KIF26A: variants seen among roughly 807,000 people sequenced by gnomAD.
KIF26A encodes the protein kinesin-like protein KIF26A.
A neutral mutation model predicts 126.0 loss-of-function variants in KIF26A; 74 were observed. The observed-to-expected ratio is 0.59, with a 90% CI of 0.49 to 0.71. The LOEUF (loss-of-function observed/expected upper bound fraction) is 0.71. KIF26A is among the 30% of genes least tolerant of loss of function. The pLI, the probability that KIF26A is intolerant of heterozygous loss-of-function variation, is 0.00. For synonymous variants in KIF26A, 1,445 were observed against 1,232.7 expected (o/e 1.17, Z -3.61); for missense variants, 2,984 against 2,763.3 (o/e 1.08, Z -1.79).
chr14:104,171,405 A>C (rs2037955342), intron 5 of KIF26A, among the ~76,000 whole-genome samples: 2 of 152,122 alleles, frequency 1.3e-5, no homozygotes, highest in South Asian at 2.1e-4. Flanking sequence ...GCTGCTCTGC[A>C]GGACCTGAGC....
In KIF26A at chr14:104,152,001, C is replaced by G. The variant is rs1167453419; in HGVS notation, c.289-14C>G. On this transcript the variant is annotated splice_polypyrimidine_tract_variant and intron_variant, in intron 2 of 14. Coordinates refer to ENST00000423312, the MANE Select transcript of KIF26A (RefSeq NM_015656.2). This position sits in a 1 kb window ranked among gnomAD's most constrained non-coding sequence, Gnocchi z 5.9. Reference sequence around the variant, plus strand: ...CCAGGCACTGACCCTGCCTTTGTCCCTTGCTGTCCTCAGGATCCTTGCCTC... The same window carrying G: ...CCAGGCACTGACCCTGCCTTTGTCCGTTGCTGTCCTCAGGATCCTTGCCTC... The G allele has an allele frequency of 1.9e-6, 3 of 1,612,216 alleles. No homozygotes were observed. The Admixed American group carries it at 5.0e-5, about 27-fold the overall frequency.
Position 104,179,405 on chromosome 14 carries a change from C to T in KIF26A, c.5467+19C>T, listed in dbSNP as rs748114535. On this transcript the variant is annotated intron_variant, in intron 14 of 14. Coordinates refer to ENST00000423312, the MANE Select transcript of KIF26A (RefSeq NM_015656.2). ...GAGCAGTGTGAGTCCCGCCCGCCCACGGACCCAGCCCGGCCCACCGTGTGC... is the reference window on the plus strand; with the variant it reads ...GAGCAGTGTGAGTCCCGCCCGCCCATGGACCCAGCCCGGCCCACCGTGTGC... The T allele has an allele frequency of 7.7e-5, 114 of 1,484,218 alleles. No homozygotes were observed. Among genetic ancestry groups the T allele is most frequent in the Admixed American group, 1.4e-4 (6 of 43,974 alleles). The allele number at this position is 1,484,218 out of a possible 1,614,324, so 91.9% of individuals were successfully genotyped here. A position where few individuals can be genotyped will look rare whatever the true frequency, so the allele number is the denominator to read the frequency against.
At position 104,178,713 on chromosome 14, in the gene KIF26A, C is replaced by T; in HGVS notation, c.5274C>T (p.Arg1758=). 3 of 1,558,834 alleles carry T rather than the reference C, an allele frequency of 1.9e-6. No individual in the cohort carries two copies. The highest frequency in any genetic ancestry group is 2.6e-6 in the Non-Finnish European group (3 of 1,151,264). The change falls in exon 13 of 15, where the codon CGC becomes CGT. Residue 1758 remains arginine, a synonymous_variant. Transcript: ENST00000423312. ...TGTACGAGATCGATGACGTGGAGCG[C>T]CTTCAGCGGCCCCGCCCCACCCCGA... is the stretch of plus-strand genomic sequence containing the variant. ...IKVYEIDDVE[R]LQRPRPTPRE...
rs1010222257 is a variant in KIF26A at position 104,153,938 on chromosome 14, C to T, written c.735+1477C>T. ...CACACCATGAACATTTAGGCACCCT[C>T]TCCCAGCGTTATGTGCACATTGATC... On this transcript the variant is annotated intron_variant, in intron 3 of 14. Transcript: ENST00000423312. Among the ~76,000 whole-genome samples the T allele has an allele frequency of 1.8e-4, 27 of 152,324 alleles. 1 individual carries two copies. Among genetic ancestry groups the T allele is most frequent in the Middle Eastern group, 6.8e-3 (2 of 294 alleles).
intron 2 of KIF26A, among the ~76,000 whole-genome samples, chr14:104,149,211 C>T (rs2037705787): frequency 6.6e-6 from 1 of 152,200 alleles, no homozygotes; most frequent in Non-Finnish European, 1.5e-5. Context: ...GCCTTGAATT[C>T]CTGGGGCCTT....
intron 4 of KIF26A, among the ~76,000 whole-genome samples, chr14:104,159,083 C>T (rs10150792): frequency 0.5 from 75,403 of 152,144 alleles, 22,548 homozygotes; most frequent in Non-Finnish European, 0.67. Context: ...CGCCGTGTGC[C>T]GGGCTGAGGG....
Position 104,177,485 on chromosome 14 carries a change from G to A in KIF26A, c.4697G>A (p.Arg1566His), listed in dbSNP as rs755321367. The A allele has an allele frequency of 1.3e-5, 20 of 1,533,000 alleles. No homozygotes were observed. The highest frequency in any genetic ancestry group is 7.3e-5 in the East Asian group (3 of 40,818). The allele number at this position is 1,533,000 out of a possible 1,614,324, so 95.0% of individuals were successfully genotyped here. Residue 1566 changes from arginine to histidine, a missense_variant, in exon 12 of 15, where the codon CGC becomes CAC. Transcript: ENST00000423312. Reference sequence around the variant, plus strand: ...CAGGCGCTCCGGGCTGCTCACAGCCGCGTCCATGAGCTGTCAGCCAGTGGA... The same window carrying A: ...CAGGCGCTCCGGGCTGCTCACAGCCACGTCCATGAGCTGTCAGCCAGTGGA... ...TKQALRAAHS[R>H]VHELSASGAP... is the part of the protein sequence containing the mutation.
chr14:104,143,167 C>G (rs953535852), intron 2 of KIF26A, among the ~76,000 whole-genome samples: 2 of 152,244 alleles, frequency 1.3e-5, no homozygotes, highest in Non-Finnish European at 2.9e-5. Context: ...CTTGCTTATC[C>G]AGGCAGGGGC....
chr14:104,152,479 C>T lies in KIF26A; in HGVS notation c.735+18C>T, dbSNP rs376811232. On this transcript the variant is annotated intron_variant, in intron 3 of 14. Transcript: ENST00000423312. This position sits in a 1 kb window ranked among gnomAD's most constrained non-coding sequence, Gnocchi z 5.9. ...CGTGCCTGGTGAGTGTCTTGCTCAG[C>T]GGATGGGAGCTGCTGGCCTCCTTGT... The T allele has an allele frequency of 1.0e-4, 160 of 1,528,502 alleles. No individual in the cohort carries two copies. The African/African-American group carries it at 1.5e-3, about 15-fold the overall frequency. The allele number at this position is 1,528,502 out of a possible 1,614,324, so 94.7% of individuals were successfully genotyped here.
chr14:104,178,863 G>A (rs117891433), intron 13 of KIF26A, 108 bp downstream of exon 13: 20,082 of 674,014 alleles, frequency 0.03, 346 homozygotes, highest in Non-Finnish European at 0.04. Context: ...GTGTGGCTGG[G>A]CAGCCCCTGA....
chr14:104,174,842 T>G (rs2141116977), intron 11 of KIF26A, 140 bp from the exon 12 acceptor site: 2 of 867,542 alleles, frequency 2.3e-6, no homozygotes, highest in East Asian at 5.4e-5. Context: ...CTCCCAGCGT[T>G]TGGTGGGACA....
chr14:104,177,455 C>A lies in KIF26A; in HGVS notation c.4667C>A (p.Thr1556Lys). The change falls in exon 12 of 15, where the codon ACA (threonine) becomes AAA (lysine). Residue 1556 changes from threonine (T) to lysine (K), a missense_variant. By Grantham distance (78) the Thr-to-Lys change is moderately conservative. Transcript: ENST00000423312. Reference protein sequence around the residue: ...AKAGRGTVMGTKQALRAAHSR... With the variant: ...AKAGRGTVMGKKQALRAAHSR... ...GCTGGCCGGGGTACCGTCATGGGCA[C>A]AAAGCAGGCGCTCCGGGCTGCTCAC... 6.5e-7 allele frequency: 1 copy of A among 1,529,026 alleles called. No individual in the cohort carries two copies. Among genetic ancestry groups the A allele is most frequent in the Non-Finnish European group, 8.8e-7 (1 of 1,142,782 alleles). The allele number at this position is 1,529,026 out of a possible 1,614,324, so 94.7% of individuals were successfully genotyped here.
At chr14:104,166,143 G>A (rs1028412460) in intron 4 of KIF26A, among the ~76,000 whole-genome samples, 1 of 151,854 alleles carries the variant, frequency 6.6e-6, no homozygotes, top group Non-Finnish European at 1.5e-5. Flanking sequence ...GGTGGCAGCG[G>A]GGGCACTTCC....
At chr14:104,154,839 C>T (rs1297998257) in intron 3 of KIF26A, among the ~76,000 whole-genome samples, 2 of 152,170 alleles carry the variant, frequency 1.3e-5, no homozygotes, top group African/African-American at 4.8e-5. Flanking sequence ...GAGGTGTTGA[C>T]GGTGGCCCTG....
chr14:104,143,569 A>G (rs981971766), intron 2 of KIF26A, among the ~76,000 whole-genome samples: 8 of 152,176 alleles, frequency 5.3e-5, no homozygotes, highest in Non-Finnish European at 8.8e-5. Context: ...CTGTCTCCAC[A>G]GCCCCCAGGC....
intron 5 of KIF26A, 68 bp downstream of exon 5, chr14:104,167,116 G>A: frequency 1.4e-6 from 2 of 1,407,188 alleles, no homozygotes; most frequent in African/African-American, 2.9e-5. Context: ...ACGCAGGAGG[G>A]GTGAGGGAGT....
intron 2 of KIF26A, among the ~76,000 whole-genome samples, chr14:104,139,749 T>A (rs1474180535): frequency 6.6e-6 from 1 of 151,896 alleles, no homozygotes; most frequent in Non-Finnish European, 1.5e-5. Context: ...GGTGAAAGGG[T>A]GGGCCACAGC....
Position 104,179,773 on chromosome 14 carries a change from C to T in KIF26A, c.5632C>T (p.Gln1878Ter). ...VAASAAIPGPQEVDV is the reference protein window; with the variant it reads ...VAASAAIPGP ...AGCCAGTGCTGCCATCCCGGGGCCGCAGGAGGTGGACGTCTGAGGCTGGGC... is the reference window on the plus strand; with the variant it reads ...AGCCAGTGCTGCCATCCCGGGGCCGTAGGAGGTGGACGTCTGAGGCTGGGC... Residue 1878 changes from glutamine (Q) to a stop codon, truncating the protein, a stop_gained, in exon 15 of 15, where the codon CAG becomes TAG. Transcript: ENST00000423312. LOFTEE classifies it high-confidence loss of function. 8.4e-6 allele frequency: 13 copies of T among 1,542,102 alleles called. No individual in the cohort carries two copies. The highest frequency in any genetic ancestry group is 1.1e-5 in the Non-Finnish European group (13 of 1,145,022).
chr14:104,171,342 C>T (rs1004216), intron 5 of KIF26A, among the ~76,000 whole-genome samples: 37,551 of 152,238 alleles, frequency 0.25, 5,685 homozygotes, highest in East Asian at 0.36. Flanking sequence ...GAGCAGCCTG[C>T]GAGGGCTGGG....
Sources: gnomAD v4.1 joint callset for allele counts (sites outside exome capture counted in the v4.1 genomes callset) on GRCh38, gnomAD v4.1.1 for gene constraint, Gnocchi (gnomAD v3.1) non-coding constraint, MANE v1.5 for transcripts, NCBI Gene and HGNC (gene_info 2026-07-23, HGNC 2026-07-21) for gene names.